Variants in LGMN observed in about 807,000 individuals in gnomAD.
The protein encoded by LGMN is legumain, also known as asparaginyl endopeptidase.
A neutral mutation model predicts 56.8 loss-of-function variants in LGMN; 36 were observed. The ratio of observed to expected loss-of-function variants is 0.63; its 90% confidence interval spans 0.49 to 0.84. The LOEUF (loss-of-function observed/expected upper bound fraction) is 0.84, where lower values mean the gene tolerates loss of function less well. Ranked by LOEUF, LGMN falls within the 40% of genes least tolerant of loss-of-function variation. The pLI is 0.00. For missense variants in LGMN, 446 were observed against 556.1 expected, an observed-to-expected ratio of 0.80 and a Z score of 1.99; for synonymous variants, 199 against 210.1, an observed-to-expected ratio of 0.95 and a Z score of 0.46.
chr14:92,710,007 T>C, intron 10 of LGMN, 135 bp from the exon 11 acceptor site: 1 of 641,628 alleles, frequency 1.6e-6, no homozygotes, highest in Non-Finnish European at 2.6e-6. Flanking sequence ...GTCCAGCCTC[T>C]CCCTCAGAGG....
intron 2 of LGMN, among the ~76,000 whole-genome samples, chr14:92,727,313 C>T (rs1418547190): frequency 6.6e-6 from 1 of 151,634 alleles, no homozygotes; most frequent in Non-Finnish European, 1.5e-5. Flanking sequence ...GCCTGTAGTC[C>T]CAGCTACTCG....
At position 92,733,413 on chromosome 14, in the gene LGMN, G is replaced by A. The variant is rs189988619; in HGVS notation, c.-29-598C>T. Among the ~76,000 whole-genome samples, 842 of 152,188 alleles carry A rather than the reference G, an allele frequency of 5.5e-3. 9 individuals are homozygous for A. The highest frequency in any genetic ancestry group is 0.019 in the African/African-American group (801 of 41,528). ...CTGGGCACTTTTTAAAGTTTTTGAC[G>A]TAACTCAAAATACAGCAGATAAAAT... On this transcript the variant is annotated intron_variant, in intron 1 of 13. Coordinates refer to ENST00000334869, the MANE Select transcript of LGMN (RefSeq NM_005606.7).
chr14:92,704,223 G>C lies in LGMN; in HGVS notation c.*96C>G, dbSNP rs761753593. On this transcript the variant is annotated 3_prime_UTR_variant, in exon 14 of 14. Transcript: ENST00000334869. ...GAGCGGGGGCTCCCCAGGAGGGCCC[G>C]AGCAGCGGAGACTTCTCACTCCACC... is the stretch of plus-strand genomic sequence containing the variant. 6.5e-6 allele frequency: 10 copies of C among 1,536,334 alleles called. No homozygotes were observed. The highest frequency in any genetic ancestry group is 5.6e-5 in the South Asian group (5 of 89,486).
intron 4 of LGMN, 108 bp downstream of exon 4, chr14:92,717,272 C>A: frequency 1.5e-6 from 1 of 658,694 alleles, no homozygotes; most frequent in East Asian, 2.6e-5. Flanking sequence ...AAACACCGAC[C>A]AGAAGCCAGT....
intron 1 of LGMN, among the ~76,000 whole-genome samples, chr14:92,746,896 CGTG>C (rs1891843329): frequency 6.6e-6 from 1 of 152,058 alleles, no homozygotes; most frequent in African/African-American, 2.4e-5. Flanking sequence ...ATTAGCCGGG[CGTG>C]GTGGCGGGCG....
At chr14:92,727,901 T>C (rs1890821949) in intron 2 of LGMN, among the ~76,000 whole-genome samples, 1 of 152,204 alleles carries the variant, frequency 6.6e-6, no homozygotes, top group African/African-American at 2.4e-5. Flanking sequence ...ACCATGGGCC[T>C]CAAGTGAAAA....
intron 1 of LGMN, among the ~76,000 whole-genome samples, chr14:92,735,508 TGAGACTGCATTTCTAACAAGTGTC>T (rs975034845): frequency 6.6e-5 from 10 of 152,240 alleles, no homozygotes; most frequent in Admixed American, 5.9e-4. Flanking sequence ...CACCTGGCCA[TGAGACTGCATTTCTAACAAGTGTC>T]AGGTGACACT....
At chr14:92,719,110 A>T (rs1595539454) in intron 2 of LGMN, among the ~76,000 whole-genome samples, 1 of 151,286 alleles carries the variant, frequency 6.6e-6, no homozygotes, top group Non-Finnish European at 1.5e-5. Flanking sequence ...ACGTGCACAT[A>T]CACACCCCAC....
intron 4 of LGMN, among the ~76,000 whole-genome samples, chr14:92,717,129 G>T (rs1163069663): frequency 6.6e-6 from 1 of 152,082 alleles, no homozygotes; most frequent in Non-Finnish European, 1.5e-5. Context: ...GAAACTACAT[G>T]GTCAGGCCTA....
intron 2 of LGMN, among the ~76,000 whole-genome samples, chr14:92,719,764 G>T (rs1195426013): frequency 6.6e-6 from 1 of 152,242 alleles, no homozygotes; most frequent in African/African-American, 2.4e-5. Flanking sequence ...ACGCAAGGGT[G>T]AAGACAGGCT....
intron 1 of LGMN, among the ~76,000 whole-genome samples, chr14:92,739,451 C>T (rs183862194): frequency 6.6e-6 from 1 of 152,292 alleles, no homozygotes. Context: ...TCTACTCTCT[C>T]CTACATTCAC....
chr14:92,705,958 A>G (rs1889407968), intron 12 of LGMN, among the ~76,000 whole-genome samples: 1 of 152,156 alleles, frequency 6.6e-6, no homozygotes, highest in Non-Finnish European at 1.5e-5. Context: ...AAAACAGGTT[A>G]TGGGGGAGAA....
intron 2 of LGMN, among the ~76,000 whole-genome samples, chr14:92,723,203 CA>C (rs1566927117): frequency 1.3e-5 from 2 of 152,164 alleles, no homozygotes; most frequent in African/African-American, 4.8e-5. Context: ...AGCACCACCA[CA>C]CCTGGCTAAT....
chr14:92,710,987 C>T (rs1239031095), intron 10 of LGMN, among the ~76,000 whole-genome samples: 2 of 152,196 alleles, frequency 1.3e-5, no homozygotes, highest in South Asian at 2.1e-4. Context: ...TCTCAGCTGG[C>T]GAGCTCTCCG....
chr14:92,711,660 T>C lies in LGMN; in HGVS notation c.818A>G (p.Lys273Arg), dbSNP rs753385643. The change falls in exon 10 of 14, where the codon AAA (lysine) becomes AGA (arginine). Residue 273 changes from lysine to arginine, a missense_variant and splice_region_variant. Lys to Arg is a conservative substitution (Grantham distance 26, BLOSUM62 2). Coordinates refer to ENST00000334869, the MANE Select transcript of LGMN (RefSeq NM_005606.7). Reference protein sequence around the residue: ...NTSHVMQYGNKTISTMKVMQF... With the variant: ...NTSHVMQYGNRTISTMKVMQF... ...CAGCACGCGAGGCTCCCGACTCACT[T>C]TGTTTCCATACTGCATGACGTGGCT... 17 of 1,614,148 alleles carry C rather than the reference T, an allele frequency of 1.1e-5. No homozygotes were observed. The East Asian group carries it at 3.8e-4, about 36-fold the overall frequency.
intron 1 of LGMN, among the ~76,000 whole-genome samples, chr14:92,740,476 C>T (rs1212129596): frequency 3.3e-5 from 5 of 152,216 alleles, no homozygotes; most frequent in African/African-American, 9.6e-5. Flanking sequence ...AGTGGCACTG[C>T]TGGGACCACG....
At chr14:92,744,827 C>T (rs1891749152) in intron 1 of LGMN, among the ~76,000 whole-genome samples, 1 of 152,200 alleles carries the variant, frequency 6.6e-6, no homozygotes, top group Non-Finnish European at 1.5e-5. Flanking sequence ...CTCCTGACCT[C>T]AGGTGATCCG....
intron 5 of LGMN, 78 bp downstream of exon 5, chr14:92,716,058 G>A (rs1890056375): frequency 6.1e-6 from 6 of 988,440 alleles, no homozygotes; most frequent in Non-Finnish European, 9.3e-6. Flanking sequence ...TAGGGGCACA[G>A]AACAACACCT....
intron 11 of LGMN, among the ~76,000 whole-genome samples, chr14:92,707,238 A>G (rs1430144992): frequency 8.2e-6 from 1 of 121,398 alleles, no homozygotes; most frequent in East Asian, 2.6e-4. Flanking sequence ...TTAAAATAAA[A>G]ATCAAAAAAC....
Sources: gnomAD v4.1 joint callset for allele counts (sites outside exome capture counted in the v4.1 genomes callset) on GRCh38, gnomAD v4.1.1 for gene constraint, MANE v1.5 for transcripts, NCBI Gene and HGNC (gene_info 2026-07-23, HGNC 2026-07-21) for gene names.